Variants in HMGA1 observed in about 807,000 individuals in gnomAD.
The protein encoded by HMGA1 is high mobility group protein HMG-I/HMG-Y.
In HMGA1, 1 loss-of-function variant was observed where a neutral mutation model predicts 15.1. The ratio of observed to expected loss-of-function variants is 0.07; its 90% CI spans 0.02 to 0.31. HMGA1 has a LOEUF of 0.31. Ranked by LOEUF, HMGA1 falls within the 10% of genes least tolerant of loss-of-function variation. The pLI, the probability that HMGA1 is intolerant of heterozygous loss-of-function variation, is 1.00. For missense variants in HMGA1, 94 were observed against 141.4 expected (o/e 0.66, Z 1.70); for synonymous variants, 56 against 54.8 (o/e 1.02, Z -0.10).
rs1762640219 is a variant in HMGA1 at position 34,245,138 on chromosome 6, A to G, written c.*254A>G. 1.4e-6 allele frequency: 2 copies of G among 1,473,804 alleles called. No individual in the cohort carries two copies. The highest frequency in any genetic ancestry group is 1.8e-6 in the Non-Finnish European group (2 of 1,104,130). 91.3% of individuals were successfully genotyped at this position (1,473,804 alleles called of 1,614,324 possible). ...CCCAGCTCCCCCCGCCCACCCACGC[A>G]TACACACATGCCCTCCTGGACAAGG... On this transcript the variant is annotated 3_prime_UTR_variant, in exon 6 of 6. Transcript: ENST00000311487.
chr6:34,237,644 A>AGGAGCCCGGC (rs1365206120), intron 2 of HMGA1, among the ~76,000 whole-genome samples: 1 of 147,636 alleles, frequency 6.8e-6, no homozygotes, highest in Non-Finnish European at 1.5e-5. Context: ...CGGAGCCCGG[A>AGGAGCCCGGC]GGAGCCCGGC....
chr6:34,237,928 C>T (rs1761943423), intron 2 of HMGA1, among the ~76,000 whole-genome samples: 2 of 152,150 alleles, frequency 1.3e-5, no homozygotes, highest in Non-Finnish European at 2.9e-5. Flanking sequence ...CCACCTCTGG[C>T]CTGGCCCGCG....
chr6:34,237,601 C>T (rs1473864326), intron 2 of HMGA1, among the ~76,000 whole-genome samples: 3 of 146,634 alleles, frequency 2.0e-5, no homozygotes, highest in Admixed American at 1.3e-4. Flanking sequence ...GGAGGGGGCG[C>T]GCAGCTGCGG....
At position 34,245,345 on chromosome 6, in the gene HMGA1, T is replaced by C. The variant is rs1363093979; in HGVS notation, c.*461T>C. 7.3e-7 allele frequency: 1 copy of C among 1,363,518 alleles called. No homozygotes were observed. Among genetic ancestry groups the C allele is most frequent in the African/African-American group, 1.4e-5 (1 of 69,552 alleles). 84.5% of individuals were successfully genotyped at this position (1,363,518 alleles called of 1,614,324 possible). A position where few individuals can be genotyped will look rare whatever the true frequency, so the allele number is the denominator to read the frequency against. On this transcript the variant is annotated 3_prime_UTR_variant, in exon 6 of 6. Transcript: ENST00000311487. The stretch of plus-strand genomic sequence containing the variant: ...CCTTAAAAGGGGCCCAAGCCCCATC[T>C]CATCCTGGCACGCCCTACTCCACTG...
rs1344328358 is a variant in HMGA1, at chr6:34,244,942, C to T, written c.*58C>T. On this transcript the variant is annotated 3_prime_UTR_variant, in exon 6 of 6. Coordinates refer to ENST00000311487, the MANE Select transcript of HMGA1 (RefSeq NM_145899.3). ...GCAGCTTCCTTCTGGGACTGGACAG[C>T]TTTGCTCCGCTCCCACCGCCCCCAC... 1.9e-6 allele frequency: 3 copies of T among 1,548,024 alleles called. No individual in the cohort carries two copies. Among genetic ancestry groups the T allele is most frequent in the Middle Eastern group, 2.2e-4 (1 of 4,602 alleles).
At chr6:34,240,100 A>G (rs143915811) in intron 2 of HMGA1, among the ~76,000 whole-genome samples, 182 of 152,246 alleles carry the variant, frequency 1.2e-3, no homozygotes, top group Non-Finnish European at 1.9e-3. Flanking sequence ...CAATTATACC[A>G]ATCTGAATTC....
At position 34,244,875 on chromosome 6, in the gene HMGA1, G is replaced by A; in HGVS notation, c.315G>A (p.Glu105=). The A allele has an allele frequency of 6.4e-7, 1 of 1,562,586 alleles. No individual in the cohort carries two copies. The highest frequency in any genetic ancestry group is 1.4e-5 in the African/African-American group (1 of 73,970). The change falls in exon 6 of 6, where the codon GAG becomes GAA. Residue 105 remains glutamate (E), a synonymous_variant. Coordinates refer to ENST00000311487, the MANE Select transcript of HMGA1 (RefSeq NM_145899.3). ...GCATCTCGCAGGAGTCCTCGGAGGA[G>A]GAGCAGTGACCCATGCGTGCCGCCT... ...EEGISQESSE[E]EQ
At chr6:34,240,669 T>C (rs2127542077) in intron 2 of HMGA1, 68 bp from the exon 3 acceptor site, 4 of 1,239,934 alleles carry the variant, frequency 3.2e-6, no homozygotes, top group Middle Eastern at 2.7e-4. Context: ...CTTGAAGGTG[T>C]GGGTGATGAG....
rs1370358014 is a variant in HMGA1, at chr6:34,245,318, G to A, written c.*434G>A. ...TAGTGGGGCCTGGGAGGGTTCCCCT[G>A]GCCTTAAAAGGGGCCCAAGCCCCAT... On this transcript the variant is annotated 3_prime_UTR_variant, in exon 6 of 6. Coordinates refer to ENST00000311487, the MANE Select transcript of HMGA1 (RefSeq NM_145899.3). 7.3e-7 allele frequency: 1 copy of A among 1,369,278 alleles called. No homozygotes were observed. The highest frequency in any genetic ancestry group is 9.6e-7 in the Non-Finnish European group (1 of 1,038,626). 84.8% of individuals were successfully genotyped at this position (1,369,278 alleles called of 1,614,324 possible). A position where few individuals can be genotyped will look rare whatever the true frequency, so the allele number is the denominator to read the frequency against.
Position 34,245,604 on chromosome 6 carries a change from A to G in HMGA1, c.*720A>G, listed in dbSNP as rs1762684030. The G allele has an allele frequency of 5.1e-6, 7 of 1,381,072 alleles. No homozygotes were observed. The highest frequency in any genetic ancestry group is 4.3e-5 in the African/African-American group (3 of 69,572). 85.6% of individuals were successfully genotyped at this position (1,381,072 alleles called of 1,614,324 possible). ...TGCCCTCCGCCTGGGATCTGAGTACATATTGTGGTGATGGAGATGCAGTCA... is the reference window on the plus strand; with the variant it reads ...TGCCCTCCGCCTGGGATCTGAGTACGTATTGTGGTGATGGAGATGCAGTCA... On this transcript the variant is annotated 3_prime_UTR_variant, in exon 6 of 6. Coordinates refer to ENST00000311487, the MANE Select transcript of HMGA1 (RefSeq NM_145899.3).
At chr6:34,244,403 C>G (rs1397297193) in intron 5 of HMGA1, among the ~76,000 whole-genome samples, 1 of 152,122 alleles carries the variant, frequency 6.6e-6, no homozygotes, top group Non-Finnish European at 1.5e-5. Context: ...GCATCTGCCC[C>G]TGTGGGCCAA....
In HMGA1 at chr6:34,236,921, C is replaced by G. The variant is rs1191130402; in HGVS notation, c.-201C>G. ...TGCTGCGCTCCTCTAATTGGGACTC[C>G]GAGCCGGGGCTATTTCTGGCGCTGG... On this transcript the variant is annotated 5_prime_UTR_variant, in exon 1 of 6. Transcript: ENST00000311487. The G allele has an allele frequency of 6.6e-6, 1 of 152,518 alleles. No homozygotes were observed. The highest frequency in any genetic ancestry group is 1.5e-5 in the Non-Finnish European group (1 of 68,040). The allele number at this position is 152,518 out of a possible 1,614,324, so 9.4% of individuals were successfully genotyped here.
In HMGA1 at chr6:34,239,540, C is replaced by G. The variant is rs186750821; in HGVS notation, c.-44-1197C>G. 5.5e-3 allele frequency among the ~76,000 whole-genome samples: 835 copies of G among 152,216 alleles called. 9 individuals are homozygous for G. The highest frequency in any genetic ancestry group is 0.024 in the Middle Eastern group (7 of 294). On this transcript the variant is annotated intron_variant, in intron 2 of 5. Transcript: ENST00000311487. ...GTCAGGAGGTAGTTCAGGCAGGTACCTTATAATTACCTTGATCTTACAGAT... is the reference window on the plus strand; with the variant it reads ...GTCAGGAGGTAGTTCAGGCAGGTACGTTATAATTACCTTGATCTTACAGAT...
At position 34,238,518 on chromosome 6, in the gene HMGA1, A is replaced by T. The variant is rs563658125; in HGVS notation, c.-45+1201A>T. On this transcript the variant is annotated intron_variant, in intron 2 of 5. Transcript: ENST00000311487. Reference sequence around the variant, plus strand: ...CGGGGGACGGGGAAGAAAACAAGGGAACCCCCAAGATAATTTCCTAGGGCC... The same window carrying T: ...CGGGGGACGGGGAAGAAAACAAGGGTACCCCCAAGATAATTTCCTAGGGCC... Among the ~76,000 whole-genome samples the T allele has an allele frequency of 2.3e-4, 35 of 152,304 alleles. No individual in the cohort carries two copies. The South Asian group carries it at 6.6e-3, about 29-fold the overall frequency.
chr6:34,240,939 A>C (rs776636228), intron 3 of HMGA1, 24 bp downstream of exon 3: 2 of 1,613,232 alleles, frequency 1.2e-6, no homozygotes, highest in African/African-American at 2.7e-5. Context: ...CCTTTGCTTC[A>C]CTTGGTTTAC....
chr6:34,245,317 T>C lies in HMGA1; in HGVS notation c.*433T>C. ...ATAGTGGGGCCTGGGAGGGTTCCCC[T>C]GGCCTTAAAAGGGGCCCAAGCCCCA... On this transcript the variant is annotated 3_prime_UTR_variant, in exon 6 of 6. Transcript: ENST00000311487. 7.3e-7 allele frequency: 1 copy of C among 1,369,254 alleles called. No homozygotes were observed. Among genetic ancestry groups the C allele is most frequent in the Non-Finnish European group, 9.6e-7 (1 of 1,038,586 alleles). 84.8% of individuals were successfully genotyped at this position (1,369,254 alleles called of 1,614,324 possible). A position where few individuals can be genotyped will look rare whatever the true frequency, so the allele number is the denominator to read the frequency against.
intron 3 of HMGA1, among the ~76,000 whole-genome samples, chr6:34,242,467 G>A (rs1486828798): frequency 1.3e-5 from 2 of 152,180 alleles, no homozygotes; most frequent in Non-Finnish European, 2.9e-5. Flanking sequence ...CTTTCCTAGG[G>A]GTCTTCTGGG....
chr6:34,237,640 C>T (rs1455440634), intron 2 of HMGA1, among the ~76,000 whole-genome samples: 26 of 148,564 alleles, frequency 1.8e-4, no homozygotes, highest in African/African-American at 6.1e-4. Flanking sequence ...CCGGCGGAGC[C>T]CGGAGGAGCC....
intron 5 of HMGA1, among the ~76,000 whole-genome samples, chr6:34,244,500 A>C (rs1762560105): frequency 3.4e-5 from 5 of 145,554 alleles, no homozygotes; most frequent in African/African-American, 1.0e-4. Flanking sequence ...CTCTTCCCCC[A>C]CCTCCTCTTC....
Sources: allele counts gnomAD v4.1 joint callset (sites outside exome capture counted in the v4.1 genomes callset), GRCh38; gene constraint gnomAD v4.1.1; transcripts MANE v1.5; gene names NCBI Gene and HGNC (gene_info 2026-07-23, HGNC 2026-07-21).